Variants in GPC5 observed in about 807,000 individuals in gnomAD.
The protein encoded by GPC5 is glypican 5, also known as glypican-5.
In GPC5, 47 loss-of-function variants were observed where a neutral mutation model predicts 53.9. The ratio of observed to expected loss-of-function variants is 0.87; its 90% CI spans 0.69 to 1.11. GPC5 has a LOEUF of 1.11. Ranked by LOEUF, GPC5 falls within the 50% of genes most tolerant of loss-of-function variation. The pLI, the probability that GPC5 is intolerant of heterozygous loss-of-function variation, is 0.00. For missense variants in GPC5, 748 were observed against 713.1 expected (o/e 1.05, Z -0.56); for synonymous variants, 286 against 263.3 (o/e 1.09, Z -0.84).
At chr13:91,904,079 A>T (rs1835086988) in intron 5 of GPC5, among the ~76,000 whole-genome samples, 1 of 151,572 alleles carries the variant, frequency 6.6e-6, no homozygotes, top group Middle Eastern at 3.4e-3. Flanking sequence ...TTAGCTGGTT[A>T]CATGCAACCA....
At chr13:92,193,377 A>C (rs938391296) in intron 7 of GPC5, among the ~76,000 whole-genome samples, 21 of 152,314 alleles carry the variant, frequency 1.4e-4, no homozygotes, top group African/African-American at 5.1e-4. Context: ...GAAACAATAC[A>C]AATTCTGAAC....
At chr13:92,043,548 T>C (rs1171634646) in intron 6 of GPC5, among the ~76,000 whole-genome samples, 3 of 152,212 alleles carry the variant, frequency 2.0e-5, no homozygotes, top group African/African-American at 7.2e-5. Flanking sequence ...GAAGTCTTCA[T>C]GTGCCACGTA....
At chr13:92,128,192 T>C (rs1020232482) in intron 6 of GPC5, among the ~76,000 whole-genome samples, 4 of 152,206 alleles carry the variant, frequency 2.6e-5, no homozygotes, top group Admixed American at 1.3e-4. Context: ...CACTCCTATA[T>C]GGTTCTCAGG....
At chr13:92,024,517 A>C (rs924973359) in intron 6 of GPC5, among the ~76,000 whole-genome samples, 7 of 152,184 alleles carry the variant, frequency 4.6e-5, no homozygotes, top group Admixed American at 4.6e-4. Context: ...AAACTTTCTT[A>C]ACATGTAAAA....
At chr13:92,083,924 A>T (rs539643823) in intron 6 of GPC5, among the ~76,000 whole-genome samples, 36 of 152,360 alleles carry the variant, frequency 2.4e-4, no homozygotes, top group African/African-American at 8.7e-4. Context: ...CATATACTCC[A>T]TGGAATACTA....
intron 7 of GPC5, among the ~76,000 whole-genome samples, chr13:92,748,527 T>C (rs1889299201): frequency 6.6e-6 from 1 of 151,812 alleles, no homozygotes; most frequent in Non-Finnish European, 1.5e-5. Context: ...TTCACCATCT[T>C]GGCCAGGCTG....
chr13:91,451,557 C>T (rs1188719650), intron 2 of GPC5, among the ~76,000 whole-genome samples: 1 of 151,874 alleles, frequency 6.6e-6, no homozygotes, highest in African/African-American at 2.4e-5. Flanking sequence ...CTCTGTAGTC[C>T]ACTGCCTATG....
chr13:91,477,882 A>G (rs1254329564), intron 2 of GPC5, among the ~76,000 whole-genome samples: 1 of 152,234 alleles, frequency 6.6e-6, no homozygotes, highest in African/African-American at 2.4e-5. Flanking sequence ...AGCTGTGGTT[A>G]TAAAATAGAG....
At chr13:91,827,016 T>C (rs1021088558) in intron 5 of GPC5, among the ~76,000 whole-genome samples, 9 of 151,920 alleles carry the variant, frequency 5.9e-5, no homozygotes, top group African/African-American at 2.2e-4. Context: ...TAGTGTTTGG[T>C]AGCATAATAG....
chr13:92,116,283 A>G (rs1594769502), intron 6 of GPC5, among the ~76,000 whole-genome samples: 1 of 142,938 alleles, frequency 7.0e-6, no homozygotes, highest in African/African-American at 2.6e-5. Context: ...AAAAAAAAAA[A>G]CAGTGCAGGC....
chr13:91,666,549 A>G (rs2035118000), intron 2 of GPC5, among the ~76,000 whole-genome samples: 1 of 152,132 alleles, frequency 6.6e-6, no homozygotes, highest in South Asian at 2.1e-4. Context: ...TCATTTACAT[A>G]TTAGTTTTAG....
At position 92,159,593 on chromosome 13, in the gene GPC5, C is replaced by CTTTTTTTTTTT. The variant is rs71120074; in HGVS notation, c.1561+14621_1561+14631dup. 9.4e-4 allele frequency among the ~76,000 whole-genome samples: 54 copies of CTTTTTTTTTTT among 57,216 alleles called. 9 individuals are homozygous for CTTTTTTTTTTT. The highest frequency in any genetic ancestry group is 1.3e-3 in the Non-Finnish European group (38 of 30,052). 37.5% of individuals were successfully genotyped at this position (57,216 alleles called of 152,430 possible). A position where few individuals can be genotyped will look rare whatever the true frequency, so the allele number is the denominator to read the frequency against. On this transcript the variant is annotated intron_variant, in intron 7 of 7. Coordinates refer to ENST00000377067, the MANE Select transcript of GPC5 (RefSeq NM_004466.6). ...CTATGTAATCACTAATACCAATGTT[C>CTTTTTTTTTTT]TTTTTTTTTTTTTTTTTTTTTTTTT...
chr13:91,774,214 A>C (rs565861899), intron 5 of GPC5, among the ~76,000 whole-genome samples: 2 of 152,340 alleles, frequency 1.3e-5, no homozygotes, highest in Non-Finnish European at 1.5e-5. Context: ...AAAAATGTGA[A>C]TATCAAGACT....
Position 91,753,857 on chromosome 13 carries a change from G to A in GPC5, c.1155-2438G>A, listed in dbSNP as rs9583962. On this transcript the variant is annotated intron_variant, in intron 4 of 7. Coordinates refer to ENST00000377067, the MANE Select transcript of GPC5 (RefSeq NM_004466.6). ...TAAATATCTTCTGATTCCTCTGTGC[G>A]CTAAAATTTGGCACTATTAGCACTG... Among the ~76,000 whole-genome samples, 434 of 152,112 alleles carry A rather than the reference G, an allele frequency of 2.9e-3. 2 individuals are homozygous for A. Among genetic ancestry groups the A allele is most frequent in the African/African-American group, 9.7e-3 (402 of 41,484 alleles).
chr13:92,324,987 A>C lies in GPC5; in HGVS notation c.1561+179998A>C, dbSNP rs184560652. On this transcript the variant is annotated intron_variant, in intron 7 of 7. Transcript: ENST00000377067. ...AGCATGATTACATCATTTAATTTGC[A>C]TAAGGAAAAAGTGATTTTGCAAAAT... Among the ~76,000 whole-genome samples, 333 of 152,052 alleles carry C rather than the reference A, an allele frequency of 2.2e-3. 1 individual carries two copies. The highest frequency in any genetic ancestry group is 7.6e-3 in the African/African-American group (317 of 41,518).
At chr13:91,546,436 A>G (rs879546960) in intron 2 of GPC5, among the ~76,000 whole-genome samples, 16 of 152,256 alleles carry the variant, frequency 1.1e-4, no homozygotes, top group Admixed American at 7.8e-4. Flanking sequence ...CTTAGGAAAT[A>G]TAGTGATTTT....
chr13:91,452,244 G>A (rs1237783069), intron 2 of GPC5, among the ~76,000 whole-genome samples: 7 of 151,992 alleles, frequency 4.6e-5, no homozygotes, highest in South Asian at 2.1e-4. Flanking sequence ...TTGGTCTTCC[G>A]AAGTGCTGGG....
At chr13:91,456,582 G>A (rs1014293874) in intron 2 of GPC5, among the ~76,000 whole-genome samples, 2 of 151,782 alleles carry the variant, frequency 1.3e-5, no homozygotes, top group East Asian at 1.9e-4. Flanking sequence ...AATTAAAATA[G>A]CATTTTTCTA....
At chr13:92,512,530 G>C (rs1329994036) in intron 7 of GPC5, among the ~76,000 whole-genome samples, 1 of 45,650 alleles carries the variant, frequency 2.2e-5, no homozygotes, top group Non-Finnish European at 4.6e-5. Context: ...TCATCTGTAG[G>C]CTTTTTCAGA....
Sources: allele counts gnomAD v4.1 joint callset (sites outside exome capture counted in the v4.1 genomes callset), GRCh38; gene constraint gnomAD v4.1.1; transcripts MANE v1.5; gene names NCBI Gene and HGNC (gene_info 2026-07-23, HGNC 2026-07-21).